The following BCKDK variants were observed in gnomAD, a reference collection of about 807,000 sequenced individuals.
BCKDK encodes the protein branched-chain alpha-ketoacid dehydrogenase kinase.
BCKDK carries 28 observed loss-of-function variants against 43.9 expected under a neutral mutation model. The ratio of observed to expected loss-of-function variants is 0.64; its 90% CI spans 0.47 to 0.87. The LOEUF (loss-of-function observed/expected upper bound fraction) is 0.87, where lower values mean the gene tolerates loss of function less well. BCKDK is among the 40% of genes least tolerant of loss of function. The pLI, the probability that BCKDK is intolerant of heterozygous loss-of-function variation, is 0.00. For missense variants in BCKDK, 483 were observed against 581.4 expected (o/e 0.83, Z 1.74); for synonymous variants, 257 against 234.3 (o/e 1.10, Z -0.88).
chr16:31,111,021 G>A, intron 8 of BCKDK, 70 bp from the exon 9 acceptor site: 1 of 1,594,800 alleles, frequency 6.3e-7, no homozygotes, highest in Non-Finnish European at 8.5e-7. Flanking sequence ...TACTTAGGGG[G>A]GCAGAATTGT....
Position 31,112,436 on chromosome 16 carries a change from C to A in BCKDK, c.*171C>A, listed in dbSNP as rs905357093. On this transcript the variant is annotated 3_prime_UTR_variant, in exon 12 of 12. Transcript: ENST00000219794. This position sits in a 1 kb window ranked among gnomAD's most constrained non-coding sequence, Gnocchi z 5.0. ...GGCACTGCCCTGCCTCAACAGGGTCCATTGCCTCCTCGCCTCCAGAACTTG... is the reference window on the plus strand; with the variant it reads ...GGCACTGCCCTGCCTCAACAGGGTCAATTGCCTCCTCGCCTCCAGAACTTG... The A allele has an allele frequency of 9.1e-6, 10 of 1,096,512 alleles. No individual in the cohort carries two copies. Among genetic ancestry groups the A allele is most frequent in the Non-Finnish European group, 1.2e-5 (9 of 747,628 alleles). The allele number at this position is 1,096,512 out of a possible 1,614,324, so 67.9% of individuals were successfully genotyped here.
chr16:31,111,721 GATAT>G (rs1319992347), intron 10 of BCKDK, 144 bp from the exon 11 acceptor site: 1 of 1,053,354 alleles, frequency 9.5e-7, no homozygotes, highest in Non-Finnish European at 1.4e-6. Context: ...GGGTGAGGAT[GATAT>G]AAACAAGGCC....
Position 31,109,531 on chromosome 16 carries a change from C to T in BCKDK, c.216C>T (p.Pro72=). 1.2e-6 allele frequency: 2 copies of T among 1,614,164 alleles called. No homozygotes were observed. Among genetic ancestry groups the T allele is most frequent in the Non-Finnish European group, 1.7e-6 (2 of 1,180,032 alleles). The change falls in exon 3 of 12, where the codon CCC becomes CCT. Residue 72 remains proline (P), a synonymous_variant. Transcript: ENST00000219794. This position sits in a 1 kb window ranked among gnomAD's most constrained non-coding sequence, Gnocchi z 5.3. ...AAEKPSVRLT[P]TMMLYAGRSQ... is the part of the protein sequence containing the mutation. The stretch of plus-strand genomic sequence containing the variant: ...TCTAGCCCTCAGTCCGCCTAACGCC[C>T]ACCATGATGCTCTACGCTGGCCGCT...
chr16:31,109,011 C>A lies in BCKDK; in HGVS notation c.-177-36C>A. The A allele has an allele frequency of 2.0e-6, 1 of 490,734 alleles. No individual in the cohort carries two copies. Among genetic ancestry groups the A allele is most frequent in the South Asian group, 3.6e-5 (1 of 28,100 alleles). The allele number at this position is 490,734 out of a possible 1,614,324, so 30.4% of individuals were successfully genotyped here. The stretch of plus-strand genomic sequence containing the variant: ...AGAGATGGTGCGGGTTCTGTGGATT[C>A]GGATCCTTACAACTTCCTCTTCCCC... On this transcript the variant is annotated intron_variant, in intron 1 of 11. Transcript: ENST00000219794. The surrounding 1 kb of genome is among the most constrained non-coding windows in gnomAD (Gnocchi z 5.3).
At chr16:31,113,822 G>T (rs2057430969), downstream of BCKDK, among the ~76,000 whole-genome samples, 1 of 152,050 alleles carries the variant, frequency 6.6e-6, no homozygotes, top group South Asian at 2.1e-4. Context: ...TGGAGTCCCT[G>T]AGAGGATTCA....
At position 31,111,126 on chromosome 16, in the gene BCKDK, G is replaced by C. The variant is rs755094399; in HGVS notation, c.752G>C (p.Arg251Pro). ...LCEHKYGNAP[R>P]VRINGHVAAR... is the part of the protein sequence containing the mutation. ...GAGCACAAGTATGGCAATGCGCCCC[G>C]TGTCCGCATCAATGGCCATGTGGCT... Residue 251 changes from arginine (R) to proline (P), a missense_variant, in exon 9 of 12, where the codon CGT becomes CCT. Coordinates refer to ENST00000219794, the MANE Select transcript of BCKDK (RefSeq NM_005881.4). The C allele has an allele frequency of 3.1e-6, 5 of 1,614,034 alleles. No individual in the cohort carries two copies. Among genetic ancestry groups the C allele is most frequent in the Non-Finnish European group, 4.2e-6 (5 of 1,180,020 alleles).
Position 31,111,401 on chromosome 16 carries a change from G to C in BCKDK, c.935+12G>C. 1 of 1,613,448 alleles carries C rather than the reference G, an allele frequency of 6.2e-7. No individual in the cohort carries two copies. The highest frequency in any genetic ancestry group is 8.5e-7 in the Non-Finnish European group (1 of 1,179,416). On this transcript the variant is annotated intron_variant, in intron 10 of 11. Transcript: ENST00000219794. Reference sequence around the variant, plus strand: ...GATCTGATCATCAGGTTTGCCCTGAGTGGGAGTTGAGCTGAGGTGGATGGG... The same window carrying C: ...GATCTGATCATCAGGTTTGCCCTGACTGGGAGTTGAGCTGAGGTGGATGGG...
chr16:31,114,700 C>T (rs759412001), downstream of BCKDK, among the ~76,000 whole-genome samples: 13 of 152,082 alleles, frequency 8.5e-5, no homozygotes, highest in African/African-American at 1.4e-4. Flanking sequence ...ATTGCTAAGA[C>T]GGATAGTTCA....
chr16:31,115,207 G>A (rs909653676), downstream of BCKDK, among the ~76,000 whole-genome samples: 1 of 148,464 alleles, frequency 6.7e-6, no homozygotes, highest in African/African-American at 2.5e-5. Context: ...ACAGGTGTGA[G>A]CCACCGCGCC....
At chr16:31,112,797 G>A (rs2057425455), downstream of BCKDK, 1 of 212,388 alleles carries the variant, frequency 4.7e-6, no homozygotes, top group Admixed American at 5.3e-5. This position sits in a 1 kb window ranked among gnomAD's most constrained non-coding sequence, Gnocchi z 5.0. Context: ...TTGAACAAAT[G>A]TTTCCGGGTC....
At chr16:31,117,288 T>C (rs2057453046), downstream of BCKDK, among the ~76,000 whole-genome samples, 1 of 150,940 alleles carries the variant, frequency 6.6e-6, no homozygotes, top group South Asian at 2.1e-4. Context: ...AGGAATCGCT[T>C]GAACCCGGAG....
downstream of BCKDK, among the ~76,000 whole-genome samples, chr16:31,117,112 C>T (rs561147786): frequency 1.7e-3 from 255 of 152,196 alleles, 6 homozygotes; most frequent in African/African-American, 5.8e-3. Flanking sequence ...TGGCTCACGC[C>T]TATAATCCCA....
chr16:31,115,548 TGA>T, downstream of BCKDK, among the ~76,000 whole-genome samples: 1 of 151,968 alleles, frequency 6.6e-6, no homozygotes, highest in Admixed American at 6.6e-5. Context: ...CCTTTTTTTT[TGA>T]GACAGGGTCT....
chr16:31,109,910 G>T lies in BCKDK; in HGVS notation c.375+127G>T. The stretch of plus-strand genomic sequence containing the variant: ...AGGGCCACACAGGATTCAACCCCAG[G>T]CCTTCAGAAGCCAAAGGTGTGTATT... On this transcript the variant is annotated intron_variant, in intron 4 of 11. Coordinates refer to ENST00000219794, the MANE Select transcript of BCKDK (RefSeq NM_005881.4). The surrounding 1 kb of genome is among the most constrained non-coding windows in gnomAD (Gnocchi z 5.3). 2 of 1,349,684 alleles carry T rather than the reference G, an allele frequency of 1.5e-6. No individual in the cohort carries two copies. The highest frequency in any genetic ancestry group is 1.2e-5 in the South Asian group (1 of 83,394). 83.6% of individuals were successfully genotyped at this position (1,349,684 alleles called of 1,614,324 possible).
In BCKDK at chr16:31,110,140, G is replaced by C; in HGVS notation, c.423+16G>C. ...CTTCCCTCCGGTGAGTGCTGGGCCA[G>C]AGCAGGGTGAGGGGCTGAGAGGTTG... On this transcript the variant is annotated intron_variant, in intron 5 of 11. Coordinates refer to ENST00000219794, the MANE Select transcript of BCKDK (RefSeq NM_005881.4). This position sits in a 1 kb window ranked among gnomAD's most constrained non-coding sequence, Gnocchi z 5.4. 2 of 1,614,188 alleles carry C rather than the reference G, an allele frequency of 1.2e-6. No homozygotes were observed. The highest frequency in any genetic ancestry group is 1.7e-6 in the Non-Finnish European group (2 of 1,180,038).
chr16:31,108,479 G>C lies in BCKDK; in HGVS notation c.-178G>C, dbSNP rs968908224. On this transcript the variant is annotated splice_region_variant and 5_prime_UTR_variant, in exon 1 of 12. Transcript: ENST00000219794. This position sits in a 1 kb window ranked among gnomAD's most constrained non-coding sequence, Gnocchi z 6.2. ...ACCCGGGCCCTGGCTCCGGCCCCGC[G>C]GTAAGTGGGGCGACCCCAGCCTACT... 1 of 152,192 alleles carries C rather than the reference G, an allele frequency of 6.6e-6. No homozygotes were observed. The highest frequency in any genetic ancestry group is 1.5e-5 in the Non-Finnish European group (1 of 68,038). 9.4% of individuals were successfully genotyped at this position (152,192 alleles called of 1,614,324 possible).
chr16:31,109,519 C>A lies in BCKDK; in HGVS notation c.204C>A (p.Val68=), dbSNP rs1476155005. 2.5e-6 allele frequency: 4 copies of A among 1,614,128 alleles called. No homozygotes were observed. Among genetic ancestry groups the A allele is most frequent in the Non-Finnish European group, 3.4e-6 (4 of 1,180,036 alleles). Residue 68 remains valine, a synonymous_variant, in exon 3 of 12, where the codon GTC becomes GTA. Coordinates refer to ENST00000219794, the MANE Select transcript of BCKDK (RefSeq NM_005881.4). The surrounding 1 kb of genome is among the most constrained non-coding windows in gnomAD (Gnocchi z 5.3). ...CCTCTCTCCCTCTCTAGCCCTCAGT[C>A]CGCCTAACGCCCACCATGATGCTCT... ...AIDAAAEKPS[V]RLTPTMMLYA...
chr16:31,115,514 C>T (rs950314750), downstream of BCKDK, among the ~76,000 whole-genome samples: 5 of 152,002 alleles, frequency 3.3e-5, no homozygotes, highest in African/African-American at 9.7e-5. Flanking sequence ...TGAGCCACTG[C>T]GCCCAGCCTC....
At chr16:31,111,018 G>T (rs747479886) in intron 8 of BCKDK, 73 bp from the exon 9 acceptor site, 36 of 1,591,666 alleles carry the variant, frequency 2.3e-5, no homozygotes, top group Non-Finnish European at 2.8e-5. Flanking sequence ...TGTTACTTAG[G>T]GGGGCAGAAT....
Sources: allele counts gnomAD v4.1 joint callset (sites outside exome capture counted in the v4.1 genomes callset), GRCh38; gene constraint gnomAD v4.1.1; non-coding constraint Gnocchi (gnomAD v3.1); transcripts MANE v1.5; gene names NCBI Gene and HGNC (gene_info 2026-07-23, HGNC 2026-07-21).